The following ALCAM variants were observed in gnomAD, a reference collection of about 807,000 sequenced individuals.
ALCAM encodes the protein CD166 antigen.
ALCAM carries 30 observed loss-of-function variants against 70.9 expected under a neutral mutation model. The ratio of observed to expected loss-of-function variants is 0.42; its 90% CI spans 0.32 to 0.57. The LOEUF (loss-of-function observed/expected upper bound fraction) is 0.57. Among genes scored for constraint, ALCAM ranks in the 20% least tolerant of loss-of-function variants. The pLI is 0.11. For missense variants in ALCAM, 591 were observed against 695.1 expected (o/e 0.85, Z 1.68); for synonymous variants, 249 against 242.5 (o/e 1.03, Z -0.25).
chr3:105,450,682 A>G (rs1272870307), intron 1 of ALCAM, among the ~76,000 whole-genome samples: 2 of 152,206 alleles, frequency 1.3e-5, no homozygotes, highest in Admixed American at 6.5e-5. Context: ...TCTCAGACAG[A>G]ATAGATGGAG....
chr3:105,518,825 A>G (rs1168907023), intron 1 of ALCAM, among the ~76,000 whole-genome samples: 1 of 152,014 alleles, frequency 6.6e-6, no homozygotes, highest in African/African-American at 2.4e-5. Context: ...TATGTTGCAT[A>G]TTTACATGAA....
intron 1 of ALCAM, among the ~76,000 whole-genome samples, chr3:105,512,689 A>C (rs1278260143): frequency 6.6e-6 from 1 of 151,934 alleles, no homozygotes; most frequent in Non-Finnish European, 1.5e-5. Flanking sequence ...AAGAAAATTT[A>C]GTTCTTTAGC....
intron 1 of ALCAM, among the ~76,000 whole-genome samples, chr3:105,480,475 A>G (rs1938241687): frequency 6.6e-6 from 1 of 152,084 alleles, no homozygotes; most frequent in Non-Finnish European, 1.5e-5. Flanking sequence ...GTGGTGTGTT[A>G]ATATTGTGAA....
chr3:105,460,363 G>T (rs1172014886), intron 1 of ALCAM, among the ~76,000 whole-genome samples: 1 of 151,996 alleles, frequency 6.6e-6, no homozygotes, highest in Non-Finnish European at 1.5e-5. Context: ...TTGAAATGCT[G>T]CTTGTCTTGA....
rs1940123513 is a variant in ALCAM at position 105,541,780 on chromosome 3, T to TA, written c.991+15_991+16insA. 6.2e-7 allele frequency: 1 copy of TA among 1,611,126 alleles called. No homozygotes were observed. The highest frequency in any genetic ancestry group is 2.2e-5 in the East Asian group (1 of 44,818). On this transcript the variant is annotated intron_variant, in intron 8 of 15. Coordinates refer to ENST00000306107, the MANE Select transcript of ALCAM (RefSeq NM_001627.4). ...CACAGTTCACTGTAAGTCACCTACT[T>TA]CTTCATCAGCAGCTTCACCTCAAAG... is the stretch of plus-strand genomic sequence containing the variant.
chr3:105,453,337 C>T (rs1401347391), intron 1 of ALCAM, among the ~76,000 whole-genome samples: 1 of 152,160 alleles, frequency 6.6e-6, no homozygotes, highest in Non-Finnish European at 1.5e-5. Flanking sequence ...GAGATCCTTT[C>T]CCCATTGCTT....
At chr3:105,467,443 A>G (rs17181701) in intron 1 of ALCAM, among the ~76,000 whole-genome samples, 12,177 of 151,214 alleles carry the variant, frequency 0.081, 604 homozygotes, top group Non-Finnish European at 0.12. Flanking sequence ...TATTAGCCTT[A>G]AAGAGCCTCA....
At chr3:105,450,273 C>T (rs1013057256) in intron 1 of ALCAM, among the ~76,000 whole-genome samples, 8 of 152,104 alleles carry the variant, frequency 5.3e-5, no homozygotes, top group Admixed American at 4.6e-4. Flanking sequence ...TCTTTTCTTC[C>T]TTTTCTCTTA....
intron 1 of ALCAM, among the ~76,000 whole-genome samples, chr3:105,499,702 T>G (rs1232539733): frequency 6.6e-6 from 1 of 152,224 alleles, no homozygotes; most frequent in Admixed American, 6.5e-5. Flanking sequence ...TGCAAATGAT[T>G]AAGTAGGGTA....
intron 1 of ALCAM, among the ~76,000 whole-genome samples, chr3:105,465,265 T>C (rs147632563): frequency 2.5e-4 from 38 of 151,588 alleles, no homozygotes; most frequent in African/African-American, 8.4e-4. Flanking sequence ...GGTAACACGA[T>C]GTGCAAACAT....
chr3:105,493,836 C>G (rs1332590621), intron 1 of ALCAM, among the ~76,000 whole-genome samples: 1 of 152,124 alleles, frequency 6.6e-6, no homozygotes, highest in East Asian at 1.9e-4. Context: ...TTCTGATGTA[C>G]CAGGCTCTCT....
chr3:105,388,890 G>C (rs977758645), intron 1 of ALCAM, among the ~76,000 whole-genome samples: 9 of 151,540 alleles, frequency 5.9e-5, no homozygotes, highest in Non-Finnish European at 1.2e-4. Flanking sequence ...GAATGAGTAT[G>C]TTAAGGCTTT....
chr3:105,373,816 C>T (rs1935306382), intron 1 of ALCAM, among the ~76,000 whole-genome samples: 3 of 152,144 alleles, frequency 2.0e-5, no homozygotes, highest in South Asian at 4.1e-4. Flanking sequence ...AGAAGCAATG[C>T]ATATGTGGAG....
intron 14 of ALCAM, among the ~76,000 whole-genome samples, chr3:105,555,071 G>A (rs929274656): frequency 6.6e-6 from 1 of 151,960 alleles, no homozygotes; most frequent in African/African-American, 2.4e-5. Context: ...GTGTGTATGT[G>A]TTCTTTCCTT....
intron 1 of ALCAM, among the ~76,000 whole-genome samples, chr3:105,429,389 T>C (rs1244991265): frequency 6.6e-6 from 1 of 151,992 alleles, no homozygotes; most frequent in Non-Finnish European, 1.5e-5. Context: ...GATATTTTGA[T>C]TTTTTAAGTC....
chr3:105,547,572 T>C lies in ALCAM; in HGVS notation c.1374+49T>C, dbSNP rs768953883. 7 of 1,588,256 alleles carry C rather than the reference T, an allele frequency of 4.4e-6. No individual in the cohort carries two copies. In the African/African-American group the frequency reaches 9.5e-5, roughly 22 times the overall value. On this transcript the variant is annotated intron_variant, in intron 11 of 15. Transcript: ENST00000306107. ...ATGCTGCACTTCGTCCAATGCGTTT[T>C]TTTTCCTTCACGAACCTACCCTATA...
chr3:105,455,625 A>T (rs1937526788), intron 1 of ALCAM, among the ~76,000 whole-genome samples: 1 of 152,168 alleles, frequency 6.6e-6, no homozygotes, highest in Admixed American at 6.5e-5. Flanking sequence ...GAGGACTAAG[A>T]CAAGGACTGG....
Position 105,461,019 on chromosome 3 carries a change from T to A in ALCAM, c.74-59048T>A, listed in dbSNP as rs1937596177. 2.6e-5 allele frequency among the ~76,000 whole-genome samples: 4 copies of A among 151,944 alleles called. No individual in the cohort carries two copies. In the South Asian group the frequency reaches 8.3e-4, roughly 31 times the overall value. On this transcript the variant is annotated intron_variant, in intron 1 of 15. Transcript: ENST00000306107. Reference sequence around the variant, plus strand: ...TATGGTGTGTGTGTGTGTGTGTATGTGTGTCTGCATGTGTGTGGTGTGCGT... The same window carrying A: ...TATGGTGTGTGTGTGTGTGTGTATGAGTGTCTGCATGTGTGTGGTGTGCGT...
chr3:105,550,659 C>A lies in ALCAM; in HGVS notation c.1507+400C>A, dbSNP rs144605217. On this transcript the variant is annotated intron_variant, in intron 12 of 15. Transcript: ENST00000306107. ...AATTCCCTTTGATCTATTATTTTGCCTTCTAATTCTTTGTGGTATTTATCC... is the reference window on the plus strand; with the variant it reads ...AATTCCCTTTGATCTATTATTTTGCATTCTAATTCTTTGTGGTATTTATCC... Among the ~76,000 whole-genome samples, 23 of 151,540 alleles carry A rather than the reference C, an allele frequency of 1.5e-4. No individual in the cohort carries two copies. In the East Asian group the frequency reaches 4.5e-3, roughly 29 times the overall value.
Sources: allele counts gnomAD v4.1 joint callset (sites outside exome capture counted in the v4.1 genomes callset), GRCh38; gene constraint gnomAD v4.1.1; transcripts MANE v1.5; gene names NCBI Gene and HGNC (gene_info 2026-07-23, HGNC 2026-07-21).